TSKS: variants seen among roughly 807,000 people sequenced by gnomAD.
TSKS encodes the protein testis specific serine kinase substrate, also known as testis-specific serine kinase substrate.
In TSKS, 27 loss-of-function variants were observed where a neutral mutation model predicts 68.0. The ratio of observed to expected loss-of-function variants is 0.40; its 90% CI spans 0.29 to 0.55. The LOEUF is 0.55. Among genes scored for constraint, TSKS ranks in the 20% least tolerant of loss-of-function variants. The pLI is 0.53. For missense variants in TSKS, 806 were observed against 776.0 expected (o/e 1.04, Z -0.46); for synonymous variants, 331 against 340.4 (o/e 0.97, Z 0.30).
chr19:49,761,695 G>A (rs1177200117), intron 2 of TSKS, among the ~76,000 whole-genome samples: 1 of 152,110 alleles, frequency 6.6e-6, no homozygotes. Flanking sequence ...CAGGCACGGG[G>A]GCTCTCGCCT....
At chr19:49,747,645 C>T (rs982848652) in intron 4 of TSKS, among the ~76,000 whole-genome samples, 173 bp from the exon 5 acceptor site, 9 of 152,204 alleles carry the variant, frequency 5.9e-5, no homozygotes, top group African/African-American at 2.2e-4. Flanking sequence ...CCAGATGTGC[C>T]AGAGTGGCAC....
At chr19:49,759,730 G>A (rs1235942893) in intron 2 of TSKS, among the ~76,000 whole-genome samples, 1 of 151,976 alleles carries the variant, frequency 6.6e-6, no homozygotes, top group Admixed American at 6.6e-5. Flanking sequence ...AGCTACTTGG[G>A]AGGTCAAGGT....
At chr19:49,744,159 G>A (rs1402404328) in intron 8 of TSKS, 72 bp downstream of exon 8, 2 of 1,506,240 alleles carry the variant, frequency 1.3e-6, no homozygotes, top group African/African-American at 2.8e-5. Context: ...CTTCACTAAT[G>A]TCCCATCTCC....
At position 49,745,087 on chromosome 19, in the gene TSKS, T is replaced by A. The variant is rs1279809481; in HGVS notation, c.1187+115A>T. On this transcript the variant is annotated intron_variant, in intron 7 of 10. Coordinates refer to ENST00000246801, the MANE Select transcript of TSKS (RefSeq NM_021733.2). ...TGGTGTTTCCCGATGTCGGTATATG[T>A]TCCGGAATGCCTGGCCATAGCTGAT... 7 of 1,054,924 alleles carry A rather than the reference T, an allele frequency of 6.6e-6. No homozygotes were observed. The Admixed American group carries it at 2.0e-4, about 30-fold the overall frequency. 65.3% of individuals were successfully genotyped at this position (1,054,924 alleles called of 1,614,324 possible).
At chr19:49,747,914 G>T (rs2084316075) in intron 4 of TSKS, among the ~76,000 whole-genome samples, 171 bp downstream of exon 4, 1 of 152,022 alleles carries the variant, frequency 6.6e-6, no homozygotes, top group Non-Finnish European at 1.5e-5. Flanking sequence ...TCACCATGTT[G>T]GCCAGGCTGG....
chr19:49,748,049 C>T, intron 4 of TSKS, 36 bp downstream of exon 4: 1 of 1,595,332 alleles, frequency 6.3e-7, no homozygotes, highest in South Asian at 1.1e-5. Context: ...CTCCCATTCC[C>T]CTCTCCCCAT....
At chr19:49,757,099 G>A (rs910296775) in intron 2 of TSKS, among the ~76,000 whole-genome samples, 2 of 152,148 alleles carry the variant, frequency 1.3e-5, no homozygotes, top group Non-Finnish European at 2.9e-5. Flanking sequence ...TGATATGTGA[G>A]GTAAGAGACT....
intron 5 of TSKS, chr19:49,747,061 C>T (rs1409830774): frequency 2.2e-6 from 3 of 1,390,992 alleles, no homozygotes; most frequent in Middle Eastern, 3.6e-4. Flanking sequence ...AAATACCAGT[C>T]CCGGCCACTT....
intron 9 of TSKS, among the ~76,000 whole-genome samples, chr19:49,740,629 A>ATC (rs1488482455): frequency 2.6e-5 from 4 of 152,106 alleles, no homozygotes; most frequent in Non-Finnish European, 5.9e-5. Context: ...CACGCCTGTA[A>ATC]TCCCAGCACT....
intron 3 of TSKS, 51 bp downstream of exon 3, chr19:49,748,315 CAAGAAGGG>C: frequency 6.3e-7 from 1 of 1,591,480 alleles, no homozygotes; most frequent in East Asian, 2.2e-5. Flanking sequence ...AGGCAGGCTC[CAAGAAGGG>C]AACTTGGCCC....
intron 5 of TSKS, chr19:49,747,040 C>T (rs1414660479): frequency 1.5e-6 from 2 of 1,308,250 alleles, no homozygotes; most frequent in Non-Finnish European, 2.1e-6. Flanking sequence ...CCTCCAAGCC[C>T]TCCAGGCGTC....
intron 2 of TSKS, among the ~76,000 whole-genome samples, chr19:49,753,555 C>A (rs2084368042): frequency 8.2e-6 from 1 of 121,608 alleles, no homozygotes; most frequent in Non-Finnish European, 1.6e-5. Flanking sequence ...AAGCAAGACT[C>A]CATCTCAATA....
At chr19:49,755,620 C>T (rs2084386657) in intron 2 of TSKS, among the ~76,000 whole-genome samples, 1 of 151,972 alleles carries the variant, frequency 6.6e-6, no homozygotes, top group African/African-American at 2.4e-5. Flanking sequence ...CGCTTGAGCC[C>T]AGGAGTTTGA....
chr19:49,753,475 T>C (rs1330588763), intron 2 of TSKS, among the ~76,000 whole-genome samples: 1 of 151,574 alleles, frequency 6.6e-6, no homozygotes, highest in East Asian at 1.9e-4. Flanking sequence ...GGCAGGAGAA[T>C]GGTGTGAACC....
rs532322617 is a variant in TSKS at position 49,757,233 on chromosome 19, G to A, written c.399+4771C>T. Reference sequence around the variant, plus strand: ...AAGGAATTGAGGCCTCCAGCCAAGGGCAGGTGAGTGCCCCATTTTGGTAGC... The same window carrying A: ...AAGGAATTGAGGCCTCCAGCCAAGGACAGGTGAGTGCCCCATTTTGGTAGC... On this transcript the variant is annotated intron_variant, in intron 2 of 10. Transcript: ENST00000246801. 2.6e-5 allele frequency among the ~76,000 whole-genome samples: 4 copies of A among 152,248 alleles called. No individual in the cohort carries two copies. The South Asian group carries it at 6.2e-4, about 24-fold the overall frequency.
intron 2 of TSKS, among the ~76,000 whole-genome samples, chr19:49,749,998 C>T (rs184099841): frequency 2.0e-5 from 3 of 151,960 alleles, no homozygotes; most frequent in East Asian, 1.9e-4. Context: ...TCTGAGTCAT[C>T]CCTTATAGGA....
At chr19:49,754,900 A>C (rs1049740480) in intron 2 of TSKS, among the ~76,000 whole-genome samples, 1 of 151,994 alleles carries the variant, frequency 6.6e-6, no homozygotes, top group Non-Finnish European at 1.5e-5. Flanking sequence ...GAGATCAAGA[A>C]CATCCTGGCC....
Position 49,762,876 on chromosome 19 carries a change from T to C in TSKS, c.170+202A>G, listed in dbSNP as rs2084455349. 2.0e-5 allele frequency among the ~76,000 whole-genome samples: 3 copies of C among 151,988 alleles called. No homozygotes were observed. In the South Asian group the frequency reaches 6.2e-4, roughly 32 times the overall value. On this transcript the variant is annotated intron_variant, in intron 1 of 10. Transcript: ENST00000246801. ...CTCTCCATCCATCCCCATTACCTTC[T>C]TCCTCCCTCCATCCATCCCCATTAC...
chr19:49,762,093 C>T lies in TSKS; in HGVS notation c.310G>A (p.Asp104Asn). 1 of 1,614,168 alleles carries T rather than the reference C, an allele frequency of 6.2e-7. No individual in the cohort carries two copies. The highest frequency in any genetic ancestry group is 1.1e-5 in the South Asian group (1 of 91,086). ...GCCAGTGTGAGTTGGCCGCTGAGGT[C>T]TTCCACTGTGGAGTCTGTCCCCGTG... Reference protein sequence around the residue: ...DSTGTDSTVEDLSGQLTLAGP... With the variant: ...DSTGTDSTVENLSGQLTLAGP... The change falls in exon 2 of 11, where the codon GAC becomes AAC. Residue 104 changes from aspartate to asparagine, a missense_variant. Transcript: ENST00000246801.
Sources: gnomAD v4.1 joint callset for allele counts (sites outside exome capture counted in the v4.1 genomes callset) on GRCh38, gnomAD v4.1.1 for gene constraint, MANE v1.5 for transcripts, NCBI Gene and HGNC (gene_info 2026-07-23, HGNC 2026-07-21) for gene names.